CPNE4: variants seen among roughly 807,000 people sequenced by gnomAD.
CPNE4 encodes the protein copine 4.
CPNE4 carries 25 observed loss-of-function variants against 67.9 expected under a neutral mutation model. The observed-to-expected ratio is 0.37, with a 90% confidence interval of 0.27 to 0.51. CPNE4 has a LOEUF of 0.51. CPNE4 is among the 20% of genes least tolerant of loss of function. The pLI, the probability that CPNE4 is intolerant of heterozygous loss-of-function variation, is 0.93. For synonymous variants in CPNE4, 242 were observed against 244.9 expected (o/e 0.99, Z 0.11); for missense variants, 464 against 690.8 (o/e 0.67, Z 3.68).
intron 1 of CPNE4, among the ~76,000 whole-genome samples, chr3:131,915,124 C>G (rs554000766): frequency 6.6e-6 from 1 of 152,172 alleles, no homozygotes; most frequent in Non-Finnish European, 1.5e-5. Flanking sequence ...GGTTAAATAA[C>G]TTATCCCAAT....
chr3:131,937,715 A>C (rs957836355), intron 1 of CPNE4, among the ~76,000 whole-genome samples: 1 of 152,120 alleles, frequency 6.6e-6, no homozygotes, highest in African/African-American at 2.4e-5. Context: ...GGAAAGGGGG[A>C]AAGGAGTTTA....
chr3:131,952,834 A>T (rs1344518585), intron 1 of CPNE4, among the ~76,000 whole-genome samples: 1 of 152,198 alleles, frequency 6.6e-6, no homozygotes, highest in Non-Finnish European at 1.5e-5. Flanking sequence ...GAGAAATCGG[A>T]TGGTTGCCCT....
intron 7 of CPNE4, among the ~76,000 whole-genome samples, chr3:131,622,478 C>T (rs1940526886): frequency 1.3e-5 from 2 of 152,182 alleles, no homozygotes; most frequent in African/African-American, 2.4e-5. Flanking sequence ...TGAAGGCCAT[C>T]TCCTAGACTT....
In CPNE4 at chr3:131,808,829, T is replaced by G. The variant is rs1583238653; in HGVS notation, c.181-85204A>C. 3.3e-5 allele frequency among the ~76,000 whole-genome samples: 5 copies of G among 152,220 alleles called. No individual in the cohort carries two copies. In the South Asian group the frequency reaches 1.0e-3, roughly 32 times the overall value. On this transcript the variant is annotated intron_variant, in intron 2 of 15. Transcript: ENST00000429747. ...AGAATAAAATTATTCTTTGCCCATT[T>G]ACAGAAGAATTTATTGTATTGAAAG...
intron 7 of CPNE4, among the ~76,000 whole-genome samples, chr3:131,631,337 G>A (rs114295060): frequency 0.041 from 6,172 of 152,112 alleles, 186 homozygotes; most frequent in Middle Eastern, 0.061. Flanking sequence ...GTCTCTCCGG[G>A]GATTTTTGGT....
chr3:131,800,079 G>A (rs2084049178), intron 2 of CPNE4, among the ~76,000 whole-genome samples: 1 of 151,942 alleles, frequency 6.6e-6, no homozygotes. Flanking sequence ...GGCTTCTAAT[G>A]ATCCTGTCAC....
chr3:131,978,078 AATATATATAAAT>A (rs1391143174), intron 1 of CPNE4, among the ~76,000 whole-genome samples: 7 of 35,526 alleles, frequency 2.0e-4, no homozygotes, highest in African/African-American at 2.9e-4. Context: ...AATATATATA[AATATATATAAAT>A]ATATATATAA....
chr3:132,027,583 A>C (rs7651726), intron 1 of CPNE4, among the ~76,000 whole-genome samples: 84,535 of 151,760 alleles, frequency 0.56, 24,085 homozygotes, highest in South Asian at 0.64. Context: ...GAAATCTGAC[A>C]ATGGCTTCTC....
chr3:131,843,203 A>G (rs2085862942), intron 2 of CPNE4, among the ~76,000 whole-genome samples: 1 of 152,238 alleles, frequency 6.6e-6, no homozygotes, highest in East Asian at 1.9e-4. Flanking sequence ...CGTGCCGGAT[A>G]TGATTCTGAG....
intron 7 of CPNE4, among the ~76,000 whole-genome samples, chr3:131,669,370 A>G (rs1383334781): frequency 6.6e-6 from 1 of 152,200 alleles, no homozygotes; most frequent in African/African-American, 2.4e-5. Flanking sequence ...AATTGATATG[A>G]CACTATTTTC....
chr3:131,940,124 G>A (rs2071343924), intron 1 of CPNE4, among the ~76,000 whole-genome samples: 1 of 152,082 alleles, frequency 6.6e-6, no homozygotes, highest in Non-Finnish European at 1.5e-5. Context: ...ACTGGCAAGT[G>A]TAATTCCCCA....
chr3:132,007,634 T>C (rs1403764841), intron 1 of CPNE4, among the ~76,000 whole-genome samples: 4 of 152,184 alleles, frequency 2.6e-5, no homozygotes, highest in African/African-American at 4.8e-5. Flanking sequence ...CCTTTTTTTT[T>C]TTCATTCAAC....
At chr3:131,966,290 C>T (rs1027406230) in intron 1 of CPNE4, among the ~76,000 whole-genome samples, 11 of 152,030 alleles carry the variant, frequency 7.2e-5, no homozygotes, top group African/African-American at 2.4e-5. Flanking sequence ...AAAGTCAACA[C>T]CCTAACATCA....
intron 7 of CPNE4, among the ~76,000 whole-genome samples, chr3:131,641,395 C>G (rs887180228): frequency 6.6e-6 from 1 of 151,870 alleles, no homozygotes; most frequent in Non-Finnish European, 1.5e-5. Flanking sequence ...CAAATGGGTC[C>G]CAAGCATATG....
chr3:131,575,047 G>T (rs1489559142), intron 10 of CPNE4, 24 bp downstream of exon 10: 2 of 1,602,094 alleles, frequency 1.2e-6, no homozygotes, highest in Non-Finnish European at 8.5e-7. Context: ...TAAGAATCAA[G>T]GAATCAACAT....
chr3:131,562,667 C>T (rs1166839606), intron 11 of CPNE4, among the ~76,000 whole-genome samples: 2 of 151,778 alleles, frequency 1.3e-5, no homozygotes, highest in Non-Finnish European at 2.9e-5. Flanking sequence ...GTCTTGGGGA[C>T]GTTTGGAGAA....
intron 1 of CPNE4, among the ~76,000 whole-genome samples, chr3:131,908,684 A>G (rs1225001): frequency 0.71 from 108,174 of 152,014 alleles, 38,810 homozygotes; most frequent in Admixed American, 0.81. Context: ...CATATTGTAC[A>G]TAAAATACTA....
At chr3:131,876,074 T>C (rs564249017) in intron 2 of CPNE4, among the ~76,000 whole-genome samples, 1 of 151,972 alleles carries the variant, frequency 6.6e-6, no homozygotes, top group South Asian at 2.1e-4. Context: ...ATTTATCTAG[T>C]TTATAAAAAA....
At chr3:131,536,035 T>G (rs1250837791) in intron 15 of CPNE4, among the ~76,000 whole-genome samples, 4 of 152,126 alleles carry the variant, frequency 2.6e-5, no homozygotes, top group African/African-American at 9.7e-5. Flanking sequence ...GAATGGCATT[T>G]GACCATCATA....
Sources: allele counts gnomAD v4.1 joint callset (sites outside exome capture counted in the v4.1 genomes callset), GRCh38; gene constraint gnomAD v4.1.1; transcripts MANE v1.5; gene names NCBI Gene and HGNC (gene_info 2026-07-23, HGNC 2026-07-21).